The following PCSK5 variants were observed in gnomAD, a reference collection of about 807,000 sequenced individuals.
PCSK5 encodes proprotein convertase subtilisin/kexin type 5.
A neutral mutation model predicts 233.2 loss-of-function variants in PCSK5; 129 were observed. That is an observed-to-expected ratio of 0.55 (90% confidence interval 0.48 to 0.64). The LOEUF is 0.64. Among genes scored for constraint, PCSK5 ranks in the 30% least tolerant of loss-of-function variants. The pLI is 0.00. For missense variants in PCSK5, 2,076 were observed against 2,430.1 expected (o/e 0.85, Z 3.06); for synonymous variants, 825 against 879.2 (o/e 0.94, Z 1.09).
Position 76,233,501 on chromosome 9 carries a change from G to A in PCSK5, c.2771G>A (p.Trp924Ter). ...CGCTGTGTTTCGAACTGCCCCTCAT[G>A]GAAATTTGAATTTGAGAACCAATGC... is the stretch of plus-strand genomic sequence containing the variant. Reference protein sequence around the residue: ...DGRCVSNCPSWKFEFENQCHP... With the variant: ...DGRCVSNCPS Residue 924 changes from tryptophan (W) to a stop codon, truncating the protein, a stop_gained, in exon 22 of 38, where the codon TGG (tryptophan) becomes TAG (stop). Transcript: ENST00000674117. LOFTEE classifies it high-confidence loss of function. The A allele has an allele frequency of 6.2e-7, 1 of 1,612,746 alleles. No individual in the cohort carries two copies. Among genetic ancestry groups the A allele is most frequent in the Non-Finnish European group, 8.5e-7 (1 of 1,179,834 alleles).
chr9:75,987,417 G>A (rs185302219), intron 3 of PCSK5, among the ~76,000 whole-genome samples: 1 of 151,646 alleles, frequency 6.6e-6, no homozygotes, highest in Non-Finnish European at 1.5e-5. Flanking sequence ...TTGGACTTGT[G>A]GGGGGGCGGG....
At chr9:76,166,284 G>C (rs1367675444) in intron 12 of PCSK5, among the ~76,000 whole-genome samples, 1 of 152,198 alleles carries the variant, frequency 6.6e-6, no homozygotes, top group Admixed American at 6.5e-5. Flanking sequence ...GAAGAGACCA[G>C]GGGGTGGAAA....
At chr9:76,035,055 T>C (rs538292856) in intron 5 of PCSK5, among the ~76,000 whole-genome samples, 7 of 152,276 alleles carry the variant, frequency 4.6e-5, no homozygotes, top group South Asian at 4.1e-4. Context: ...TGGCTTCCCA[T>C]TGGGTTTGGG....
intron 31 of PCSK5, among the ~76,000 whole-genome samples, chr9:76,322,241 C>T (rs766118040): frequency 3.3e-5 from 5 of 152,182 alleles, no homozygotes; most frequent in African/African-American, 4.8e-5. Flanking sequence ...TGAGGCACCA[C>T]GCCCAGCTGT....
intron 1 of PCSK5, among the ~76,000 whole-genome samples, chr9:75,908,310 G>T (rs545147004): frequency 6.6e-6 from 1 of 152,152 alleles, no homozygotes; most frequent in Non-Finnish European, 1.5e-5. Context: ...AAGGTGAATT[G>T]TATTTTCTAG....
chr9:76,317,400 C>T (rs955025549), intron 30 of PCSK5, among the ~76,000 whole-genome samples: 2 of 152,086 alleles, frequency 1.3e-5, no homozygotes, highest in Non-Finnish European at 2.9e-5. Context: ...TTCTGTTCAC[C>T]CCTGCCCTAT....
At chr9:76,011,974 A>T (rs1332517225) in intron 3 of PCSK5, among the ~76,000 whole-genome samples, 1 of 152,136 alleles carries the variant, frequency 6.6e-6, no homozygotes, top group East Asian at 1.9e-4. Context: ...CTCTAATTAT[A>T]GTTTGTCTTA....
At chr9:76,319,488 G>T in intron 30 of PCSK5, among the ~76,000 whole-genome samples, 1 of 151,824 alleles carries the variant, frequency 6.6e-6, no homozygotes, top group Non-Finnish European at 1.5e-5. Flanking sequence ...ATAGGGTCAG[G>T]TGCTGAAGGG....
At chr9:76,112,353 C>A (rs1832255785) in intron 9 of PCSK5, among the ~76,000 whole-genome samples, 1 of 152,078 alleles carries the variant, frequency 6.6e-6, no homozygotes, top group Admixed American at 6.6e-5. Context: ...ATCTCAGAGG[C>A]CACAAGAATA....
intron 20 of PCSK5, among the ~76,000 whole-genome samples, chr9:76,199,386 T>G (rs1029055051): frequency 6.6e-6 from 1 of 152,242 alleles, no homozygotes; most frequent in Non-Finnish European, 1.5e-5. Context: ...TACAGTCTGT[T>G]ATTGACCAAA....
chr9:76,273,576 CATAT>C (rs34398269), intron 24 of PCSK5, among the ~76,000 whole-genome samples: 6,188 of 118,168 alleles, frequency 0.052, 491 homozygotes, highest in African/African-American at 0.17. Context: ...TATATATATA[CATAT>C]ATATATATAT....
At chr9:76,357,327 G>T (rs763835899) in intron 37 of PCSK5, among the ~76,000 whole-genome samples, 3 of 152,110 alleles carry the variant, frequency 2.0e-5, no homozygotes, top group Non-Finnish European at 4.4e-5. Flanking sequence ...GACCAGCCTG[G>T]CCAACATGGT....
chr9:76,351,304 C>T (rs1393298052), intron 36 of PCSK5, among the ~76,000 whole-genome samples: 1 of 151,830 alleles, frequency 6.6e-6, no homozygotes, highest in African/African-American at 2.4e-5. Flanking sequence ...GTGTGAGTAA[C>T]ATAGGAACCA....
intron 24 of PCSK5, among the ~76,000 whole-genome samples, chr9:76,249,698 A>G (rs1381682290): frequency 6.6e-6 from 1 of 152,172 alleles, no homozygotes; most frequent in East Asian, 1.9e-4. Context: ...AGAATGTAGG[A>G]GGATAGAAAG....
At chr9:76,106,262 T>C (rs1476996458) in intron 8 of PCSK5, among the ~76,000 whole-genome samples, 1 of 152,218 alleles carries the variant, frequency 6.6e-6, no homozygotes, top group Non-Finnish European at 1.5e-5. Context: ...CACAGACTTC[T>C]ATACTCCCCC....
At chr9:76,194,605 T>G (rs1824596019) in intron 20 of PCSK5, 2 of 316,694 alleles carry the variant, frequency 6.3e-6, no homozygotes, top group Admixed American at 4.5e-5. Flanking sequence ...TTTTTGGGGT[T>G]TTTTTTTTTT....
At chr9:76,051,380 A>G (rs537045879) in intron 5 of PCSK5, among the ~76,000 whole-genome samples, 6 of 152,176 alleles carry the variant, frequency 3.9e-5, no homozygotes, top group Non-Finnish European at 7.3e-5. Flanking sequence ...AGGCCCCAGA[A>G]ATGCTTAGGA....
chr9:75,906,693 A>G (rs1353940847), intron 1 of PCSK5, among the ~76,000 whole-genome samples: 1 of 152,204 alleles, frequency 6.6e-6, no homozygotes, highest in African/African-American at 2.4e-5. Context: ...AGAGAGGATC[A>G]TCTTAAGGCT....
At chr9:76,092,690 C>T (rs1216695327) in intron 7 of PCSK5, among the ~76,000 whole-genome samples, 1 of 152,198 alleles carries the variant, frequency 6.6e-6, no homozygotes, top group African/African-American at 2.4e-5. Context: ...AACCAGTTTG[C>T]TCATCTGTAA....
Sources: gnomAD v4.1 joint callset for allele counts (sites outside exome capture counted in the v4.1 genomes callset) on GRCh38, gnomAD v4.1.1 for gene constraint, MANE v1.5 for transcripts, NCBI Gene and HGNC (gene_info 2026-07-23, HGNC 2026-07-21) for gene names.